Variants in GPC5 observed in about 807,000 individuals in gnomAD.
GPC5 encodes the protein glypican-5.
GPC5 carries 47 observed loss-of-function variants against 53.9 expected under a neutral mutation model. The observed-to-expected ratio is 0.87, with a 90% CI of 0.69 to 1.11. GPC5 has a LOEUF of 1.11. Among genes scored for constraint, GPC5 ranks in the 50% most tolerant of loss-of-function variants. GPC5 has a pLI of 0.00. For missense variants in GPC5, 748 were observed against 713.1 expected (o/e 1.05, Z -0.56); for synonymous variants, 286 against 263.3 (o/e 1.09, Z -0.84).
chr13:92,853,801 C>T (rs1194567839), intron 7 of GPC5, among the ~76,000 whole-genome samples: 1 of 152,016 alleles, frequency 6.6e-6, no homozygotes, highest in Non-Finnish European at 1.5e-5. Context: ...AATAGATATG[C>T]ATTTCTAGAT....
chr13:91,548,874 T>C (rs763083387), intron 2 of GPC5, among the ~76,000 whole-genome samples: 1 of 152,116 alleles, frequency 6.6e-6, no homozygotes, highest in Non-Finnish European at 1.5e-5. Context: ...CAACAAATGG[T>C]ACTAGAACAA....
intron 5 of GPC5, among the ~76,000 whole-genome samples, chr13:91,890,107 T>G (rs1238873874): frequency 6.6e-6 from 1 of 152,158 alleles, no homozygotes; most frequent in Non-Finnish European, 1.5e-5. Context: ...TTATCCTTGA[T>G]TACAAGGATC....
At chr13:92,832,885 A>G (rs1174065017) in intron 7 of GPC5, among the ~76,000 whole-genome samples, 1 of 152,016 alleles carries the variant, frequency 6.6e-6, no homozygotes, top group African/African-American at 2.4e-5. Context: ...GCAGGTGCCT[A>G]TAATCCCAGC....
intron 2 of GPC5, among the ~76,000 whole-genome samples, chr13:91,635,803 G>A (rs774500762): frequency 7.2e-5 from 11 of 151,962 alleles, no homozygotes; most frequent in Non-Finnish European, 1.6e-4. Context: ...GAATTATATT[G>A]TCAGTTTCAT....
At chr13:91,718,899 T>C (rs1239793988) in intron 3 of GPC5, among the ~76,000 whole-genome samples, 1 of 152,170 alleles carries the variant, frequency 6.6e-6, no homozygotes, top group African/African-American at 2.4e-5. Flanking sequence ...AAGTTAACTT[T>C]ATATAATTAT....
chr13:92,446,152 C>T (rs1441220693), intron 7 of GPC5, among the ~76,000 whole-genome samples: 1 of 151,688 alleles, frequency 6.6e-6, no homozygotes, highest in Admixed American at 6.6e-5. Flanking sequence ...TGACTATAGT[C>T]ACTTTGTGCT....
intron 6 of GPC5, among the ~76,000 whole-genome samples, chr13:92,010,704 GA>G (rs1353366607): frequency 1.3e-5 from 2 of 152,134 alleles, no homozygotes; most frequent in Non-Finnish European, 2.9e-5. Context: ...CTGCAAGGAA[GA>G]AAGGCCACAG....
At chr13:92,804,766 C>T (rs1877030975) in intron 7 of GPC5, among the ~76,000 whole-genome samples, 1 of 152,062 alleles carries the variant, frequency 6.6e-6, no homozygotes, top group Non-Finnish European at 1.5e-5. Flanking sequence ...GCATTTTACC[C>T]TCAGAAGAAC....
intron 4 of GPC5, among the ~76,000 whole-genome samples, chr13:91,739,186 G>T (rs771867471): frequency 1.3e-5 from 2 of 151,378 alleles, no homozygotes; most frequent in Non-Finnish European, 2.9e-5. Context: ...TACACGTTGT[G>T]TCTAAGTGGT....
At chr13:92,833,396 C>G (rs1025273228) in intron 7 of GPC5, among the ~76,000 whole-genome samples, 2 of 152,122 alleles carry the variant, frequency 1.3e-5, no homozygotes, top group African/African-American at 4.8e-5. Context: ...AAAGTGTTGT[C>G]ATCCAAATAC....
chr13:92,402,240 A>T lies in GPC5; in HGVS notation c.1561+257251A>T, dbSNP rs558252635. 2.0e-5 allele frequency among the ~76,000 whole-genome samples: 3 copies of T among 152,316 alleles called. No homozygotes were observed. In the East Asian group the frequency reaches 5.8e-4, roughly 29 times the overall value. On this transcript the variant is annotated intron_variant, in intron 7 of 7. Transcript: ENST00000377067. ...ATATTGAGATCAACCGTCACTTATT[A>T]ATAGCAGCGAGTTTGGGCAAACAAA...
At chr13:91,909,861 T>A (rs1256971212) in intron 6 of GPC5, among the ~76,000 whole-genome samples, 1 of 152,032 alleles carries the variant, frequency 6.6e-6, no homozygotes, top group African/African-American at 2.4e-5. Context: ...GTTTTGTAGG[T>A]TTCAAAGCCA....
intron 6 of GPC5, among the ~76,000 whole-genome samples, chr13:91,975,475 C>T (rs924537870): frequency 1.3e-5 from 2 of 152,180 alleles, no homozygotes; most frequent in African/African-American, 4.8e-5. Context: ...TGAACAGACA[C>T]TCCTCAAAAG....
At chr13:92,265,799 T>C (rs1310769876) in intron 7 of GPC5, among the ~76,000 whole-genome samples, 2 of 152,186 alleles carry the variant, frequency 1.3e-5, no homozygotes, top group Non-Finnish European at 2.9e-5. Context: ...GTGCTGCTGT[T>C]AGAGAATACC....
rs560764772 is a variant in GPC5, at chr13:92,175,990, C to G, written c.1561+31001C>G. Among the ~76,000 whole-genome samples, 11 of 152,284 alleles carry G rather than the reference C, an allele frequency of 7.2e-5. No homozygotes were observed. In the South Asian group the frequency reaches 1.9e-3, roughly 26 times the overall value. On this transcript the variant is annotated intron_variant, in intron 7 of 7. Transcript: ENST00000377067. ...ACTCTGTATGTTTGTTTCCATTTAT[C>G]TATATCTAGCCAGAAACATGCTTTA... is the stretch of plus-strand genomic sequence containing the variant.
intron 7 of GPC5, among the ~76,000 whole-genome samples, chr13:92,661,260 C>T (rs1017726829): frequency 2.0e-5 from 3 of 151,620 alleles, no homozygotes; most frequent in Non-Finnish European, 4.4e-5. Context: ...TGCCAATGCA[C>T]TCTAACCTGG....
At chr13:91,891,016 T>G (rs12859288) in intron 5 of GPC5, among the ~76,000 whole-genome samples, 147 of 152,310 alleles carry the variant, frequency 9.7e-4, no homozygotes, top group Middle Eastern at 3.4e-3. Context: ...AATTTCCTTT[T>G]AAAAATTAAT....
chr13:92,446,283 A>G (rs1877822677), intron 7 of GPC5, among the ~76,000 whole-genome samples: 1 of 150,168 alleles, frequency 6.7e-6, no homozygotes, highest in Non-Finnish European at 1.5e-5. Context: ...CCATCTTTCT[A>G]CTCTCTATCC....
At chr13:92,405,063 C>T (rs1488294933) in intron 7 of GPC5, among the ~76,000 whole-genome samples, 1 of 140,686 alleles carries the variant, frequency 7.1e-6, no homozygotes, top group Non-Finnish European at 1.6e-5. Context: ...CAAAACACTT[C>T]TAAAATTAAA....
Sources: gnomAD v4.1 joint callset for allele counts (sites outside exome capture counted in the v4.1 genomes callset) on GRCh38, gnomAD v4.1.1 for gene constraint, MANE v1.5 for transcripts, NCBI Gene and HGNC (gene_info 2026-07-23, HGNC 2026-07-21) for gene names.